Variants in ERMP1 observed in about 807,000 individuals in gnomAD.
The protein encoded by ERMP1 is endoplasmic reticulum metallopeptidase 1.
Under a neutral mutation model 92.0 loss-of-function variants are expected in ERMP1, and 86 were observed. The ratio of observed to expected loss-of-function variants is 0.93; its 90% CI spans 0.79 to 1.12. The LOEUF is 1.12. ERMP1 is among the 50% of genes most tolerant of loss of function. The probability of loss-of-function intolerance (pLI) is 0.00; values close to 1 mark genes in which losing one functional copy is unlikely to be tolerated. For missense variants in ERMP1, 1,342 were observed against 1,116.3 expected, an observed-to-expected ratio of 1.20 and a Z score of -2.88; for synonymous variants, 530 against 412.8, an observed-to-expected ratio of 1.28 and a Z score of -3.44.
intron 5 of ERMP1, among the ~76,000 whole-genome samples, chr9:5,860,317 CATTTAT>C (rs993019021): frequency 6.6e-6 from 1 of 151,480 alleles, no homozygotes; most frequent in African/African-American, 2.4e-5. Flanking sequence ...AGGAAGGAAG[CATTTAT>C]ATTTATAACT....
At chr9:5,863,020 T>C (rs1830549477) in intron 5 of ERMP1, among the ~76,000 whole-genome samples, 2 of 152,204 alleles carry the variant, frequency 1.3e-5, no homozygotes, top group Admixed American at 1.3e-4. Flanking sequence ...AAAGTTTCTT[T>C]TGAGCCCATT....
intron 6 of ERMP1, among the ~76,000 whole-genome samples, chr9:5,846,490 G>A (rs1352050875): frequency 6.6e-6 from 1 of 152,156 alleles, no homozygotes; most frequent in Non-Finnish European, 1.5e-5. Context: ...ATAAGTATGG[G>A]GAAGCTGTTT....
intron 6 of ERMP1, among the ~76,000 whole-genome samples, chr9:5,849,017 T>C (rs1382183155): frequency 6.6e-6 from 1 of 152,092 alleles, no homozygotes; most frequent in Admixed American, 6.5e-5. Context: ...TATTTTTATT[T>C]ATATTTATAT....
intron 6 of ERMP1, among the ~76,000 whole-genome samples, chr9:5,847,695 A>G (rs991311393): frequency 1.3e-5 from 2 of 152,076 alleles, no homozygotes; most frequent in African/African-American, 4.8e-5. Flanking sequence ...AGAGATCGAG[A>G]CCATCCTGGC....
At chr9:5,824,810 CAAAG>C (rs769430557) in intron 3 of ERMP1, among the ~76,000 whole-genome samples, 3 of 152,158 alleles carry the variant, frequency 2.0e-5, no homozygotes, top group Non-Finnish European at 2.9e-5. Context: ...ACTTCAATGT[CAAAG>C]AAAACCTGAG....
At chr9:5,808,421 G>A (rs1381138277) in intron 8 of ERMP1, among the ~76,000 whole-genome samples, 1 of 152,168 alleles carries the variant, frequency 6.6e-6, no homozygotes, top group Non-Finnish European at 1.5e-5. Flanking sequence ...AAAAATATGA[G>A]CTCAACCATA....
intron 4 of ERMP1, among the ~76,000 whole-genome samples, chr9:5,815,871 G>A (rs1260750432): frequency 6.6e-6 from 1 of 151,874 alleles, no homozygotes; most frequent in African/African-American, 2.4e-5. Flanking sequence ...AAAGGAAAAA[G>A]AACTATGATG....
intron 1 of ERMP1, 99 bp downstream of exon 1, chr9:5,832,591 G>T: frequency 1.0e-6 from 1 of 973,396 alleles, no homozygotes; most frequent in Non-Finnish European, 1.4e-6. Flanking sequence ...GAGTCCCAGC[G>T]GTCCGGCAGG....
Position 5,830,910 on chromosome 9 carries a change from T to C in ERMP1, c.457A>G (p.Ser153Gly), listed in dbSNP as rs1406931015. The change falls in exon 2 of 15, where the codon AGC becomes GGC. Residue 153 changes from serine to glycine, a missense_variant. Ser to Gly is a moderately conservative substitution (Grantham distance 56). Transcript: ENST00000339450. ...ACATCTACTGAAATCTTATGAAGGC[T>C]GTTGCTTTGCACTTCAATCAGTTTA... ...QIKLIEVQSN[S>G]LHKISVDVQR... 4 of 1,614,066 alleles carry C rather than the reference T, an allele frequency of 2.5e-6. No homozygotes were observed. The highest frequency in any genetic ancestry group is 1.1e-5 in the South Asian group (1 of 91,088).
At position 5,854,086 on chromosome 9, in the gene ERMP1, T is replaced by C. The variant is rs112138239; in HGVS notation, n.3199+5382A>G. Among the ~76,000 whole-genome samples, 205 of 151,936 alleles carry C rather than the reference T, an allele frequency of 1.3e-3. 1 individual carries two copies. Among genetic ancestry groups the C allele is most frequent in the African/African-American group, 4.7e-3 (196 of 41,398 alleles). The stretch of plus-strand genomic sequence containing the variant: ...AGGGGGATAAATTGTGGCCAGGTGA[T>C]TAGATAAAAGAAAGGGGTTTGGGCT... On this transcript the variant is annotated intron_variant and non_coding_transcript_variant, in intron 6 of 6. Transcript: ENST00000690753.
intron 5 of ERMP1, among the ~76,000 whole-genome samples, chr9:5,861,168 GGGGTGTGTGTGTGT>G (rs1162054858): frequency 1.9e-4 from 22 of 117,554 alleles, no homozygotes; most frequent in African/African-American, 5.7e-4. Flanking sequence ...AATGGCTTAG[GGGGTGTGTGTGTGT>G]GTGTGTGTGT....
intron 2 of ERMP1, among the ~76,000 whole-genome samples, chr9:5,826,014 G>C (rs117392745): frequency 6.1e-4 from 93 of 152,208 alleles, no homozygotes; most frequent in Non-Finnish European, 1.0e-3. Context: ...GAGGCAATTG[G>C]TGGTATCAAA....
intron 13 of ERMP1, among the ~76,000 whole-genome samples, chr9:5,790,484 G>GTTTA (rs1828142826): frequency 6.6e-6 from 1 of 152,048 alleles, no homozygotes; most frequent in Non-Finnish European, 1.5e-5. Context: ...CCCACTAAAA[G>GTTTA]AAAAACAATT....
At chr9:5,819,324 C>T (rs1212314910) in intron 4 of ERMP1, among the ~76,000 whole-genome samples, 1 of 152,152 alleles carries the variant, frequency 6.6e-6, no homozygotes, top group East Asian at 1.9e-4. Flanking sequence ...GCGTTAAAAA[C>T]TCCGATAACG....
chr9:5,787,247 C>T lies in ERMP1; in HGVS notation c.2612G>A (p.Gly871Glu), dbSNP rs761665438. 1.2e-6 allele frequency: 2 copies of T among 1,614,042 alleles called. No individual in the cohort carries two copies. The highest frequency in any genetic ancestry group is 1.7e-6 in the Non-Finnish European group (2 of 1,179,994). The part of the protein sequence containing the change: ...TVAIAAHYLS[G>E]EDKRSPQLDA... ...CAGTTGAGGGGATCTCTTGTCTTCC[C>T]CAGACAGATAGTGGGCAGCAATGGC... The change falls in exon 15 of 15, where the codon GGG becomes GAG. Residue 871 changes from glycine to glutamate, a missense_variant. Transcript: ENST00000339450.
intron 3 of ERMP1, 71 bp downstream of exon 3, chr9:5,825,021 A>G: frequency 1.2e-5 from 17 of 1,445,350 alleles, no homozygotes; most frequent in Non-Finnish European, 1.6e-5. Flanking sequence ...ACTATTTAGT[A>G]AATAATATTT....
chr9:5,785,876 GCA>G lies in ERMP1; in HGVS notation c.*1266_*1267del, dbSNP rs753648192. The G allele has an allele frequency of 2.0e-5, 3 of 152,282 alleles. No individual in the cohort carries two copies. The highest frequency in any genetic ancestry group is 4.4e-5 in the Non-Finnish European group (3 of 68,016). 9.4% of individuals were successfully genotyped at this position (152,282 alleles called of 1,614,324 possible). ...TTTCCTAATGATAAAAAGAAAGCTT[GCA>G]CAGTTTACCATTGATCTCACCAATG... is the stretch of plus-strand genomic sequence containing the variant. On this transcript the variant is annotated 3_prime_UTR_variant, in exon 15 of 15. Transcript: ENST00000339450.
At chr9:5,799,052 C>T (rs1563751055) in intron 11 of ERMP1, 44 bp from the exon 12 acceptor site, 1 of 1,350,736 alleles carries the variant, frequency 7.4e-7, no homozygotes, top group Non-Finnish European at 1.1e-6. Flanking sequence ...AACTAGTACA[C>T]CCACATTCCC....
upstream of ERMP1, among the ~76,000 whole-genome samples, chr9:5,835,354 G>GCGCGCA (rs1406576439): frequency 1.3e-5 from 2 of 151,722 alleles, no homozygotes; most frequent in Non-Finnish European, 1.5e-5. Context: ...CAATGAACGC[G>GCGCGCA]CGCGCGCATG....
Sources: allele counts gnomAD v4.1 joint callset (sites outside exome capture counted in the v4.1 genomes callset), GRCh38; gene constraint gnomAD v4.1.1; transcripts MANE v1.5; gene names NCBI Gene and HGNC (gene_info 2026-07-23, HGNC 2026-07-21).